The following EEA1 variants were observed in gnomAD, a reference collection of about 807,000 sequenced individuals.
EEA1 encodes the protein early endosome antigen 1, also known as early endosome antigen 1, 162kD.
A neutral mutation model predicts 209.2 loss-of-function variants in EEA1; 111 were observed. The observed-to-expected ratio is 0.53, with a 90% CI of 0.45 to 0.62. The LOEUF (loss-of-function observed/expected upper bound fraction) is 0.62. Ranked by LOEUF, EEA1 falls within the 20% of genes least tolerant of loss-of-function variation. The pLI, the probability that EEA1 is intolerant of heterozygous loss-of-function variation, is 0.00. For missense variants in EEA1, 1,343 were observed against 1,530.8 expected, an observed-to-expected ratio of 0.88 and a Z score of 2.05; for synonymous variants, 536 against 540.6, an observed-to-expected ratio of 0.99 and a Z score of 0.12.
chr12:92,881,555 G>A (rs948176977), intron 2 of EEA1, among the ~76,000 whole-genome samples: 1 of 152,196 alleles, frequency 6.6e-6, no homozygotes, highest in Non-Finnish European at 1.5e-5. Context: ...AGAAGCACAA[G>A]AAAGACTGCG....
chr12:92,772,457 A>G lies in EEA1; in HGVS notation c.*3554T>C, dbSNP rs1873470896. 1 of 151,898 alleles carries G rather than the reference A, an allele frequency of 6.6e-6. No homozygotes were observed. The highest frequency in any genetic ancestry group is 6.6e-5 in the Admixed American group (1 of 15,228). 9.4% of individuals were successfully genotyped at this position (151,898 alleles called of 1,614,324 possible). A position where few individuals can be genotyped will look rare whatever the true frequency, so the allele number is the denominator to read the frequency against. ...AATAAATTAATGCAAAATGGTTAAT[A>G]CAGTGTTCTCTCTTTTGTTAGACAA... On this transcript the variant is annotated 3_prime_UTR_variant, in exon 29 of 29. Transcript: ENST00000322349.
Position 92,816,249 on chromosome 12 carries a change from T to C in EEA1, c.1880A>G (p.Asn627Ser), listed in dbSNP as rs375590925. 59 of 1,613,876 alleles carry C rather than the reference T, an allele frequency of 3.7e-5. No individual in the cohort carries two copies. Among genetic ancestry groups the C allele is most frequent in the African/African-American group, 5.3e-5 (4 of 74,920 alleles). Residue 627 changes from asparagine (N) to serine (S), a missense_variant, in exon 15 of 29, where the codon AAT (asparagine) becomes AGT (serine). Asn to Ser is a conservative substitution (Grantham distance 46). This residue lies in a region of EEA1 where 1,307 missense variants were observed against 1,465.5 expected (regional missense o/e 0.89). Transcript: ENST00000322349. ...CTCCTTGCTTTCATTTAATTGACTA[T>C]TTAATTCATTGACACTAGTTTCTAG... is the stretch of plus-strand genomic sequence containing the variant. ...LSLETSVNELNSQLNESKEKV... is the reference protein window; with the variant it reads ...LSLETSVNELSSQLNESKEKV...
chr12:92,855,694 G>T (rs774467140), intron 5 of EEA1, among the ~76,000 whole-genome samples: 1 of 152,038 alleles, frequency 6.6e-6, no homozygotes, highest in African/African-American at 2.4e-5. Context: ...TCTATACATT[G>T]AACTAAGACA....
In EEA1 at chr12:92,772,099, T is replaced by C. The variant is rs1013977930; in HGVS notation, c.*3912A>G. The C allele has an allele frequency of 4.0e-5, 6 of 150,960 alleles. No individual in the cohort carries two copies. The highest frequency in any genetic ancestry group is 9.7e-5 in the African/African-American group (4 of 41,074). 9.4% of individuals were successfully genotyped at this position (150,960 alleles called of 1,614,324 possible). ...AACCGTGGCTCCCAGGAAGAAAAAA[T>C]AGCAAAAAACAATGGCACATTGGGC... is the stretch of plus-strand genomic sequence containing the variant. On this transcript the variant is annotated 3_prime_UTR_variant, in exon 29 of 29. Transcript: ENST00000322349.
At position 92,897,488 on chromosome 12, in the gene EEA1, G is replaced by C. The variant is rs562618450; in HGVS notation, c.25-5767C>G. Among the ~76,000 whole-genome samples the C allele has an allele frequency of 6.6e-5, 10 of 152,226 alleles. No homozygotes were observed. In the South Asian group the frequency reaches 2.1e-3, roughly 32 times the overall value. On this transcript the variant is annotated intron_variant, in intron 1 of 28. Coordinates refer to ENST00000322349, the MANE Select transcript of EEA1 (RefSeq NM_003566.4). ...GAAGTGGCTAATCAGAAACGTCTAG[G>C]GGGTATTTGGACCCAAGAAGATGCT...
At chr12:92,924,619 T>C (rs1382730788) in intron 1 of EEA1, among the ~76,000 whole-genome samples, 2 of 152,106 alleles carry the variant, frequency 1.3e-5, no homozygotes, top group African/African-American at 4.8e-5. Context: ...ACTACACAGA[T>C]AGTAAATGAA....
intron 1 of EEA1, among the ~76,000 whole-genome samples, chr12:92,906,687 G>A (rs1156825237): frequency 6.6e-6 from 1 of 151,830 alleles, no homozygotes; most frequent in Non-Finnish European, 1.5e-5. Context: ...AGTGGCGGGC[G>A]CCTGTAGTCC....
At chr12:92,816,109 A>C in intron 15 of EEA1, 91 bp downstream of exon 15, 1 of 1,171,134 alleles carries the variant, frequency 8.5e-7, no homozygotes. Context: ...TTTTTCAATT[A>C]ATATGCAAGG....
chr12:92,826,387 A>C (rs1247042237), intron 12 of EEA1, 102 bp from the exon 13 acceptor site: 16 of 1,059,810 alleles, frequency 1.5e-5, no homozygotes, highest in East Asian at 7.9e-5. Flanking sequence ...CAGAACAAAA[A>C]ATTCAGGAAT....
At chr12:92,809,404 G>A (rs1026861386) in intron 17 of EEA1, among the ~76,000 whole-genome samples, 10 of 151,222 alleles carry the variant, frequency 6.6e-5, no homozygotes, top group Admixed American at 6.6e-4. Context: ...ATTAATTCTG[G>A]GCTGGGCGCG....
intron 23 of EEA1, 63 bp downstream of exon 23, chr12:92,781,887 T>C (rs537528635): frequency 1.4e-6 from 2 of 1,460,624 alleles, no homozygotes; most frequent in Admixed American, 2.0e-5. Flanking sequence ...GAGGTTTGAC[T>C]GGATGATCTC....
At chr12:92,912,995 G>A (rs1204258388) in intron 1 of EEA1, among the ~76,000 whole-genome samples, 2 of 152,210 alleles carry the variant, frequency 1.3e-5, no homozygotes, top group African/African-American at 2.4e-5. Flanking sequence ...AAAGTGCCAT[G>A]ATAAATAGCC....
intron 21 of EEA1, among the ~76,000 whole-genome samples, chr12:92,788,596 A>T (rs998722696): frequency 2.0e-5 from 3 of 152,218 alleles, no homozygotes; most frequent in African/African-American, 7.2e-5. Flanking sequence ...GTCTTCAAGA[A>T]GATTCAGGAG....
chr12:92,861,689 C>T (rs1240085773), intron 3 of EEA1, among the ~76,000 whole-genome samples: 3 of 151,752 alleles, frequency 2.0e-5, no homozygotes, highest in Admixed American at 2.0e-4. Context: ...TGAAAGAATC[C>T]ATAAGATACA....
chr12:92,888,140 C>G (rs1446086452), intron 2 of EEA1, among the ~76,000 whole-genome samples: 1 of 151,622 alleles, frequency 6.6e-6, no homozygotes, highest in East Asian at 1.9e-4. Flanking sequence ...TTTCAATGTG[C>G]TGACAAAAAA....
At chr12:92,887,118 T>C (rs7969521) in intron 2 of EEA1, among the ~76,000 whole-genome samples, 145,118 of 152,182 alleles carry the variant, frequency 0.95, 69,222 homozygotes, top group East Asian at 1. Flanking sequence ...GTATTCTCCA[T>C]AGCTGAGGAA....
intron 10 of EEA1, among the ~76,000 whole-genome samples, chr12:92,840,651 A>AAGC (rs1877128858): frequency 6.6e-6 from 1 of 152,266 alleles, no homozygotes; most frequent in Non-Finnish European, 1.5e-5. Context: ...AGAAAATACT[A>AAGC]ACATTTAAAA....
intron 22 of EEA1, among the ~76,000 whole-genome samples, chr12:92,783,596 G>A (rs1156385637): frequency 6.6e-6 from 1 of 152,118 alleles, no homozygotes. Context: ...ATTTAACATA[G>A]TCCATAGTTG....
In EEA1 at chr12:92,794,440, T is replaced by C. The variant is rs902451401; in HGVS notation, c.2967+4452A>G. 2.0e-5 allele frequency among the ~76,000 whole-genome samples: 3 copies of C among 152,284 alleles called. No individual in the cohort carries two copies. The East Asian group carries it at 5.8e-4, about 29-fold the overall frequency. On this transcript the variant is annotated intron_variant, in intron 21 of 28. Transcript: ENST00000322349. Reference sequence around the variant, plus strand: ...AAAGACACATGCACACGTATGTTTATTGCAGCACTATTCACAATAGCAAAG... The same window carrying C: ...AAAGACACATGCACACGTATGTTTACTGCAGCACTATTCACAATAGCAAAG...
Sources: allele counts gnomAD v4.1 joint callset (sites outside exome capture counted in the v4.1 genomes callset), GRCh38; gene constraint gnomAD v4.1.1; regional missense constraint gnomAD v4.1.1; transcripts MANE v1.5; gene names NCBI Gene and HGNC (gene_info 2026-07-23, HGNC 2026-07-21).